MARCHF1: variants seen among roughly 807,000 people sequenced by gnomAD.
The protein encoded by MARCHF1 is E3 ubiquitin-protein ligase MARCHF1.
MARCHF1 carries 40 observed loss-of-function variants against 54.2 expected under a neutral mutation model. The observed-to-expected ratio is 0.74, with a 90% CI of 0.57 to 0.96. The LOEUF is 0.96. MARCHF1 is among the 40% of genes least tolerant of loss of function. The pLI is 0.00. For synonymous variants in MARCHF1, 236 were observed against 236.3 expected, an observed-to-expected ratio of 1.00 and a Z score of 0.01; for missense variants, 586 against 656.5, an observed-to-expected ratio of 0.89 and a Z score of 1.17.
chr4:164,371,029 G>T (rs1446430533), intron 1 of MARCHF1, among the ~76,000 whole-genome samples: 4 of 152,146 alleles, frequency 2.6e-5, no homozygotes, highest in Middle Eastern at 3.2e-3. Flanking sequence ...TAATAAAGTT[G>T]CTGTATAATG....
chr4:163,586,482 C>A (rs1338865379), intron 7 of MARCHF1, among the ~76,000 whole-genome samples: 1 of 152,112 alleles, frequency 6.6e-6, no homozygotes, highest in African/African-American at 2.4e-5. Context: ...CTTCTAGCAC[C>A]AGCCATTTTG....
intron 1 of MARCHF1, among the ~76,000 whole-genome samples, chr4:164,377,329 G>C (rs1325201404): frequency 1.3e-5 from 2 of 152,172 alleles, no homozygotes; most frequent in Non-Finnish European, 2.9e-5. Flanking sequence ...AATACGTTCT[G>C]AGTTTTATCC....
intron 4 of MARCHF1, among the ~76,000 whole-genome samples, chr4:163,819,370 C>T (rs1748630101): frequency 6.6e-6 from 1 of 152,212 alleles, no homozygotes; most frequent in Non-Finnish European, 1.5e-5. Flanking sequence ...GAACCACAAG[C>T]CTGAATGAAA....
chr4:163,771,166 T>G (rs1264848857), intron 4 of MARCHF1, among the ~76,000 whole-genome samples: 1 of 152,186 alleles, frequency 6.6e-6, no homozygotes, highest in Admixed American at 6.5e-5. Flanking sequence ...GAGTAGTTGT[T>G]TTTAATTAGG....
At chr4:164,289,306 C>T (rs1734228597) in intron 1 of MARCHF1, among the ~76,000 whole-genome samples, 1 of 152,000 alleles carries the variant, frequency 6.6e-6, no homozygotes, top group Admixed American at 6.6e-5. Flanking sequence ...GCTTTGATCA[C>T]TGACATAGTC....
intron 5 of MARCHF1, among the ~76,000 whole-genome samples, chr4:163,685,623 T>C (rs1744244914): frequency 6.6e-6 from 1 of 151,972 alleles, no homozygotes; most frequent in Non-Finnish European, 1.5e-5. Context: ...CCAGGCTAAT[T>C]TTTGTATTTT....
chr4:164,084,844 C>T (rs1195027898), intron 2 of MARCHF1, among the ~76,000 whole-genome samples: 1 of 151,766 alleles, frequency 6.6e-6, no homozygotes, highest in Non-Finnish European at 1.5e-5. Flanking sequence ...GAACAAACCA[C>T]ATTGATGACT....
Position 164,223,819 on chromosome 4 carries a change from T to G in MARCHF1, c.-322-112157A>C, listed in dbSNP as rs1477339898. On this transcript the variant is annotated intron_variant, in intron 1 of 9. Transcript: ENST00000514618. ...AATACACATAGGAAACCCTACATAT[T>G]ATAGTATCTTCTTAGACAATAGTCA... is the stretch of plus-strand genomic sequence containing the variant. Among the ~76,000 whole-genome samples, 7 of 151,694 alleles carry G rather than the reference T, an allele frequency of 4.6e-5. No individual in the cohort carries two copies. The South Asian group carries it at 1.5e-3, about 32-fold the overall frequency.
At chr4:163,869,992 T>C (rs1007796943) in intron 3 of MARCHF1, among the ~76,000 whole-genome samples, 18 of 152,122 alleles carry the variant, frequency 1.2e-4, no homozygotes, top group Non-Finnish European at 2.1e-4. Context: ...CCTTTGAATA[T>C]GAGAGAAATA....
chr4:164,029,238 C>T (rs933835950), intron 2 of MARCHF1, among the ~76,000 whole-genome samples: 3 of 152,106 alleles, frequency 2.0e-5, no homozygotes, highest in African/African-American at 7.2e-5. Flanking sequence ...CACATAATGG[C>T]ATCAGCTTCT....
intron 4 of MARCHF1, among the ~76,000 whole-genome samples, chr4:163,704,168 A>G (rs1205266715): frequency 6.6e-6 from 1 of 151,888 alleles, no homozygotes; most frequent in Non-Finnish European, 1.5e-5. Context: ...AGACATTCTT[A>G]CAGAGACCAC....
chr4:164,085,843 A>G (rs1432665704), intron 2 of MARCHF1, among the ~76,000 whole-genome samples: 1 of 151,758 alleles, frequency 6.6e-6, no homozygotes, highest in Non-Finnish European at 1.5e-5. Context: ...ATTCTGTACT[A>G]CCTTTCTGTA....
At chr4:163,623,521 C>T (rs923483376) in intron 5 of MARCHF1, among the ~76,000 whole-genome samples, 1 of 152,130 alleles carries the variant, frequency 6.6e-6, no homozygotes, top group Non-Finnish European at 1.5e-5. Flanking sequence ...GTTTCTTGCA[C>T]AAGCCTAAAT....
chr4:163,905,327 A>C lies in MARCHF1; in HGVS notation c.-38-51158T>G, dbSNP rs981748184. Among the ~76,000 whole-genome samples the C allele has an allele frequency of 6.5e-4, 99 of 152,126 alleles. 2 individuals carry two copies. Among genetic ancestry groups the C allele is most frequent in the African/African-American group, 2.4e-3 (99 of 41,442 alleles). ...AATATGAACATTCACGAACATAGAT[A>C]ATGATCTATTTGAGCCACATATGAA... On this transcript the variant is annotated intron_variant, in intron 3 of 9. Transcript: ENST00000514618.
chr4:163,536,272 C>T (rs1738525780), intron 9 of MARCHF1, among the ~76,000 whole-genome samples: 1 of 152,126 alleles, frequency 6.6e-6, no homozygotes. Context: ...TGGACTACAT[C>T]CAGCTTTCTC....
chr4:163,986,246 C>CTTTTTTTTTTTTTTTTTTTTTTTTTT (rs1752861022), intron 3 of MARCHF1, among the ~76,000 whole-genome samples: 9 of 73,758 alleles, frequency 1.2e-4, no homozygotes, highest in Non-Finnish European at 1.9e-4. Context: ...TAATTAACCT[C>CTTTTTTTTTTTTTTTTTTTTTTTTTT]TTCTTTTTTT....
intron 3 of MARCHF1, among the ~76,000 whole-genome samples, chr4:163,865,185 A>C (rs1750021720): frequency 6.6e-6 from 1 of 151,912 alleles, no homozygotes; most frequent in South Asian, 2.1e-4. Context: ...GCATGAAACT[A>C]TGAGTGTATA....
chr4:163,817,332 CAT>C (rs973144310), intron 4 of MARCHF1, among the ~76,000 whole-genome samples: 7 of 151,666 alleles, frequency 4.6e-5, no homozygotes, highest in Non-Finnish European at 8.8e-5. Flanking sequence ...TACACATATA[CAT>C]ATATATGTAC....
Position 164,139,786 on chromosome 4 carries a change from A to G in MARCHF1, c.-322-28124T>C, listed in dbSNP as rs373865615. ...TTAAAGAATGCTATATAAAACATGT[A>G]TATTTAATGGCTATTATAAATGCTA... is the stretch of plus-strand genomic sequence containing the variant. On this transcript the variant is annotated intron_variant, in intron 1 of 9. Transcript: ENST00000514618. 2.2e-4 allele frequency among the ~76,000 whole-genome samples: 34 copies of G among 152,304 alleles called. No homozygotes were observed. In the East Asian group the frequency reaches 4.6e-3, roughly 21 times the overall value.
Sources: allele counts gnomAD v4.1 joint callset (sites outside exome capture counted in the v4.1 genomes callset), GRCh38; gene constraint gnomAD v4.1.1; transcripts MANE v1.5; gene names NCBI Gene and HGNC (gene_info 2026-07-23, HGNC 2026-07-21).